The following LMBR1 variants were observed in gnomAD, a reference collection of about 807,000 sequenced individuals.
The protein encoded by LMBR1 is limb region 1 protein homolog.
In LMBR1, 52 loss-of-function variants were observed where a neutral mutation model predicts 73.9. The observed-to-expected ratio is 0.70, with a 90% confidence interval of 0.56 to 0.89. The LOEUF (loss-of-function observed/expected upper bound fraction) is 0.89. Among genes scored for constraint, LMBR1 ranks in the 40% least tolerant of loss-of-function variants. LMBR1 has a pLI of 0.00. For synonymous variants in LMBR1, 215 were observed against 209.4 expected (o/e 1.03, Z -0.23); for missense variants, 539 against 579.8 (o/e 0.93, Z 0.72).
At chr7:156,763,602 A>G (rs1585634664) in intron 6 of LMBR1, 67 bp downstream of exon 6, 3 of 1,331,890 alleles carry the variant, frequency 2.3e-6, no homozygotes, top group Non-Finnish European at 3.1e-6. Context: ...TTTAAAATTG[A>G]GTGTGTAATT....
chr7:156,845,626 T>C (rs1839459554), intron 1 of LMBR1, among the ~76,000 whole-genome samples: 1 of 151,208 alleles, frequency 6.6e-6, no homozygotes, highest in Non-Finnish European at 1.5e-5. Context: ...ACCAGACTGA[T>C]GGTAACAAAA....
chr7:156,865,211 G>A (rs1798285115), intron 1 of LMBR1, among the ~76,000 whole-genome samples: 1 of 152,064 alleles, frequency 6.6e-6, no homozygotes, highest in South Asian at 2.1e-4. Context: ...GGAAACTGAG[G>A]TGGGAAGATC....
chr7:156,694,083 C>T (rs538408667), intron 15 of LMBR1, among the ~76,000 whole-genome samples: 3 of 152,220 alleles, frequency 2.0e-5, no homozygotes, highest in East Asian at 3.9e-4. Context: ...AAAAGAGCAA[C>T]TGACAAAATT....
chr7:156,835,291 C>T (rs2133907169), intron 2 of LMBR1, among the ~76,000 whole-genome samples: 1 of 152,250 alleles, frequency 6.6e-6, no homozygotes, highest in African/African-American at 2.4e-5. Context: ...TGTTAGTCCA[C>T]CTCCATTCTT....
At chr7:156,801,298 T>A (rs889689548) in intron 4 of LMBR1, among the ~76,000 whole-genome samples, 10 of 152,186 alleles carry the variant, frequency 6.6e-5, no homozygotes, top group Admixed American at 3.3e-4. Flanking sequence ...AGCAAAAAGA[T>A]TACAGCTCAC....
chr7:156,709,782 C>A (rs1811685820), intron 15 of LMBR1, among the ~76,000 whole-genome samples: 1 of 151,384 alleles, frequency 6.6e-6, no homozygotes, highest in Admixed American at 6.6e-5. Context: ...GTAATTCTGG[C>A]AATATAAAAA....
Position 156,795,976 on chromosome 7 carries a change from T to C in LMBR1, c.423+413A>G, listed in dbSNP as rs1236435904. ...AGTCATTCATTCTGATCCTGGTATA[T>C]TTACTAAATGTGAAATCAGCTGTCA... is the stretch of plus-strand genomic sequence containing the variant. On this transcript the variant is annotated intron_variant, in intron 5 of 16. Transcript: ENST00000353442. Among the ~76,000 whole-genome samples, 1 of 152,208 alleles carries C rather than the reference T, an allele frequency of 6.6e-6. No homozygotes were observed. Among genetic ancestry groups the C allele is most frequent in the Admixed American group, 6.5e-5 (1 of 15,280 alleles).
chr7:156,711,165 C>T, intron 15 of LMBR1, among the ~76,000 whole-genome samples: 1 of 152,068 alleles, frequency 6.6e-6, no homozygotes, highest in Non-Finnish European at 1.5e-5. Flanking sequence ...AAAAAATTAG[C>T]TGTGTGTGGT....
intron 9 of LMBR1, among the ~76,000 whole-genome samples, chr7:156,744,668 T>C (rs974103855): frequency 6.6e-6 from 1 of 152,214 alleles, no homozygotes; most frequent in African/African-American, 2.4e-5. Flanking sequence ...TGCAAGATGA[T>C]TAATTCAATT....
At chr7:156,673,548 CAT>C (rs1458619642), downstream of LMBR1, among the ~76,000 whole-genome samples, 1 of 152,158 alleles carries the variant, frequency 6.6e-6, no homozygotes. Context: ...GAATTTGACT[CAT>C]AAATAGAAAA....
At chr7:156,856,779 T>G (rs982031515) in intron 1 of LMBR1, among the ~76,000 whole-genome samples, 8 of 152,246 alleles carry the variant, frequency 5.3e-5, no homozygotes, top group Admixed American at 5.2e-4. Context: ...TTTTATTTTC[T>G]TTTTCTTAAT....
chr7:156,858,981 C>T (rs1343945783), intron 1 of LMBR1, among the ~76,000 whole-genome samples: 9 of 152,074 alleles, frequency 5.9e-5, no homozygotes, highest in Admixed American at 6.5e-5. Flanking sequence ...GGGCTGGGCA[C>T]GGTGGCTCAG....
chr7:156,827,167 AC>A (rs761808762), intron 3 of LMBR1, among the ~76,000 whole-genome samples: 2 of 152,206 alleles, frequency 1.3e-5, no homozygotes, highest in Non-Finnish European at 2.9e-5. Flanking sequence ...GTATAAAAAA[AC>A]AAATTAATTT....
At chr7:156,884,630 C>T (rs1211727910) in intron 1 of LMBR1, among the ~76,000 whole-genome samples, 1 of 152,126 alleles carries the variant, frequency 6.6e-6, no homozygotes, top group Non-Finnish European at 1.5e-5. Flanking sequence ...CTAGTAGAAG[C>T]CCAAATCCCA....
chr7:156,711,931 T>G (rs541551306), intron 15 of LMBR1, among the ~76,000 whole-genome samples: 1 of 152,300 alleles, frequency 6.6e-6, no homozygotes, highest in South Asian at 2.1e-4. Context: ...CTTCTGGACA[T>G]TGGTCTAGGA....
intron 9 of LMBR1, among the ~76,000 whole-genome samples, chr7:156,743,545 T>G (rs1456338060): frequency 6.6e-6 from 1 of 152,192 alleles, no homozygotes; most frequent in Admixed American, 6.5e-5. Flanking sequence ...AACAGTGACA[T>G]CAAGGGACTA....
chr7:156,704,755 T>TAAA (rs201275771), intron 15 of LMBR1, among the ~76,000 whole-genome samples: 1 of 136,900 alleles, frequency 7.3e-6, no homozygotes, highest in African/African-American at 2.7e-5. Context: ...TAGTTGTCTT[T>TAAA]AAAAAAAAAA....
At chr7:156,862,730 A>G (rs1040050034) in intron 1 of LMBR1, among the ~76,000 whole-genome samples, 1 of 152,196 alleles carries the variant, frequency 6.6e-6, no homozygotes, top group African/African-American at 2.4e-5. Flanking sequence ...AACTCTCCCT[A>G]CATAATGTGG....
intron 4 of LMBR1, among the ~76,000 whole-genome samples, chr7:156,817,492 CAGAGAGAGAGAG>C (rs72370655): frequency 6.8e-6 from 1 of 146,856 alleles, no homozygotes; most frequent in Non-Finnish European, 1.5e-5. Context: ...TAAAAAGAGA[CAGAGAGAGAGAG>C]AGAGAGAGAG....
Sources: allele counts gnomAD v4.1 joint callset (sites outside exome capture counted in the v4.1 genomes callset), GRCh38; gene constraint gnomAD v4.1.1; transcripts MANE v1.5; gene names NCBI Gene and HGNC (gene_info 2026-07-23, HGNC 2026-07-21).